Variants in NIPBL observed in about 807,000 individuals in gnomAD.
NIPBL encodes the protein NIPBL cohesin loading factor, also known as nipped-B-like protein.
In NIPBL, 19 loss-of-function variants were observed where a neutral mutation model predicts 321.8. The observed-to-expected ratio is 0.06, with a 90% CI of 0.04 to 0.09. The LOEUF is 0.09. Ranked by LOEUF, NIPBL falls within the 10% of genes least tolerant of loss-of-function variation. The pLI is 1.00. For missense variants in NIPBL, 2,210 were observed against 3,327.0 expected (o/e 0.66, Z 8.26); for synonymous variants, 1,106 against 1,114.1 (o/e 0.99, Z 0.14).
rs142385121 is a variant in NIPBL at position 37,049,720 on chromosome 5, A to T, written c.6954+419A>T. Among the ~76,000 whole-genome samples the T allele has an allele frequency of 6.0e-3, 918 of 152,316 alleles. 6 individuals are homozygous for T. The highest frequency in any genetic ancestry group is 0.01 in the Admixed American group (158 of 15,296). ...ATATAAACTCAATTCCTTCATCTTT[A>T]AGTTGGGTATAACACCAACTACTCG... On this transcript the variant is annotated intron_variant, in intron 40 of 46. Transcript: ENST00000282516.
intron 32 of NIPBL, among the ~76,000 whole-genome samples, chr5:37,034,859 G>A (rs1321369607): frequency 6.6e-6 from 1 of 152,080 alleles, no homozygotes; most frequent in Admixed American, 6.6e-5. Flanking sequence ...AAATTAGAAG[G>A]GCATATACGA....
At chr5:37,023,019 G>A (rs866704412) in intron 29 of NIPBL, among the ~76,000 whole-genome samples, 3 of 152,280 alleles carry the variant, frequency 2.0e-5, no homozygotes. Flanking sequence ...CCCATTGCAG[G>A]CATATTGACT....
intron 1 of NIPBL, among the ~76,000 whole-genome samples, chr5:36,930,025 A>G (rs760760420): frequency 6.6e-6 from 1 of 151,942 alleles, no homozygotes; most frequent in Non-Finnish European, 1.5e-5. Context: ...AAGTTCTCCA[A>G]CTTTTTTCTT....
At chr5:36,895,146 T>G (rs1343518948) in intron 1 of NIPBL, among the ~76,000 whole-genome samples, 2 of 152,210 alleles carry the variant, frequency 1.3e-5, no homozygotes, top group Non-Finnish European at 2.9e-5. Flanking sequence ...CCATTAGTGG[T>G]CACACCCTGT....
chr5:37,027,863 C>T (rs1400576336), intron 32 of NIPBL, among the ~76,000 whole-genome samples: 1 of 151,966 alleles, frequency 6.6e-6, no homozygotes, highest in African/African-American at 2.4e-5. Context: ...AGGTGACCTG[C>T]GTGCCTCGGC....
chr5:36,934,939 G>T (rs1309468462), intron 1 of NIPBL, among the ~76,000 whole-genome samples: 1 of 152,082 alleles, frequency 6.6e-6, no homozygotes, highest in Non-Finnish European at 1.5e-5. Context: ...CAGATAGAAG[G>T]ACTCACACTC....
In NIPBL at chr5:36,970,866, T is replaced by C. The variant is rs368836554; in HGVS notation, c.611-10T>C. Reference sequence around the variant, plus strand: ...TTTATTAAACCTTTTTTTATTCTTATTAATTTCAGCATCGGTATCAAGTCC... The same window carrying C: ...TTTATTAAACCTTTTTTTATTCTTACTAATTTCAGCATCGGTATCAAGTCC... On this transcript the variant is annotated splice_polypyrimidine_tract_variant and intron_variant, in intron 6 of 46. Transcript: ENST00000282516. 1.9e-6 allele frequency: 3 copies of C among 1,610,302 alleles called. No homozygotes were observed. The highest frequency in any genetic ancestry group is 1.7e-5 in the Admixed American group (1 of 59,960).
chr5:36,914,708 G>A (rs1193678754), intron 1 of NIPBL, among the ~76,000 whole-genome samples: 1 of 152,146 alleles, frequency 6.6e-6, no homozygotes, highest in Non-Finnish European at 1.5e-5. Flanking sequence ...CACTCAACCT[G>A]AATCACTTTC....
At position 37,020,680 on chromosome 5, in the gene NIPBL, T is replaced by A. The variant is rs767449402; in HGVS notation, c.5225+7T>A. On this transcript the variant is annotated splice_region_variant and intron_variant, in intron 26 of 46. Coordinates refer to ENST00000282516, the MANE Select transcript of NIPBL (RefSeq NM_133433.4). ...CTCAGTTTAGCACATTAAAGTAAGA[T>A]CCAAGGAGAAAACAGTTTACATTTA... 6.8e-6 allele frequency: 11 copies of A among 1,611,050 alleles called. No individual in the cohort carries two copies. In the Admixed American group the frequency reaches 1.8e-4, roughly 27 times the overall value.
At chr5:37,023,068 T>C (rs1265487816) in intron 29 of NIPBL, among the ~76,000 whole-genome samples, 1 of 152,214 alleles carries the variant, frequency 6.6e-6, no homozygotes, top group Non-Finnish European at 1.5e-5. Context: ...GTGCACAAAA[T>C]TAAGTATTAC....
chr5:36,962,536 G>A (rs1051478894), intron 6 of NIPBL, among the ~76,000 whole-genome samples: 1 of 152,152 alleles, frequency 6.6e-6, no homozygotes, highest in African/African-American at 2.4e-5. Context: ...ATATTTAGGT[G>A]TGAAATTAAG....
chr5:37,065,430 C>G lies in NIPBL; in HGVS notation c.*538C>G, dbSNP rs1256046048. 1.3e-5 allele frequency: 2 copies of G among 152,464 alleles called. No individual in the cohort carries two copies. Among genetic ancestry groups the G allele is most frequent in the African/African-American group, 4.8e-5 (2 of 41,290 alleles). The allele number at this position is 152,464 out of a possible 1,614,324, so 9.4% of individuals were successfully genotyped here. On this transcript the variant is annotated 3_prime_UTR_variant, in exon 47 of 47. Transcript: ENST00000282516. ...TTGATGTATTAGGTCACCCTGAAAA[C>G]AATACAAGAAAAGGGATCCCCAGGT...
chr5:36,982,135 T>C (rs2149638477), intron 9 of NIPBL: 1 of 652,652 alleles, frequency 1.5e-6, no homozygotes, highest in Non-Finnish European at 1.9e-6. Context: ...TTTGAGATTA[T>C]GATAATCCTT....
intron 4 of NIPBL, among the ~76,000 whole-genome samples, chr5:36,960,056 A>C (rs1312591046): frequency 6.6e-6 from 1 of 152,090 alleles, no homozygotes; most frequent in Non-Finnish European, 1.5e-5. Flanking sequence ...ATGCAGAGAG[A>C]CCCTGTCTCA....
At chr5:36,892,897 C>G (rs548399456) in intron 1 of NIPBL, among the ~76,000 whole-genome samples, 1 of 152,042 alleles carries the variant, frequency 6.6e-6, no homozygotes, top group East Asian at 1.9e-4. Flanking sequence ...ATGTAACAAA[C>G]CTGCACGTTG....
In NIPBL at chr5:36,877,119, T is replaced by G; in HGVS notation, c.-139T>G. On this transcript the variant is annotated 5_prime_UTR_variant, in exon 1 of 47. It adds an upstream start codon to the 5' untranslated region. Coordinates refer to ENST00000282516, the MANE Select transcript of NIPBL (RefSeq NM_133433.4). ...AGCCACCCCCCCTCCCGGCCCGGAT[T>G]ATAGTCTCTCGCCACAGCGGCCTCG... The G allele has an allele frequency of 3.2e-6, 1 of 311,858 alleles. No homozygotes were observed. The highest frequency in any genetic ancestry group is 5.8e-6 in the Non-Finnish European group (1 of 173,424). 19.3% of individuals were successfully genotyped at this position (311,858 alleles called of 1,614,324 possible).
chr5:36,893,961 C>T (rs1746536875), intron 1 of NIPBL, among the ~76,000 whole-genome samples: 1 of 152,100 alleles, frequency 6.6e-6, no homozygotes, highest in Non-Finnish European at 1.5e-5. Flanking sequence ...GTGAACTGAC[C>T]TATCTGTTCC....
At chr5:37,060,683 A>C (rs1490405008) in intron 44 of NIPBL, among the ~76,000 whole-genome samples, 161 bp from the exon 45 acceptor site, 1 of 152,200 alleles carries the variant, frequency 6.6e-6, no homozygotes, top group Non-Finnish European at 1.5e-5. Context: ...GTTAGGTGGT[A>C]TTAAGTAATT....
At chr5:36,899,235 A>G (rs1747022754) in intron 1 of NIPBL, among the ~76,000 whole-genome samples, 1 of 152,210 alleles carries the variant, frequency 6.6e-6, no homozygotes, top group Non-Finnish European at 1.5e-5. Flanking sequence ...ACAAAAAGTT[A>G]CAGTTTAAAG....
Sources: gnomAD v4.1 joint callset for allele counts (sites outside exome capture counted in the v4.1 genomes callset) on GRCh38, gnomAD v4.1.1 for gene constraint, MANE v1.5 for transcripts, NCBI Gene and HGNC (gene_info 2026-07-23, HGNC 2026-07-21) for gene names.